NREP: variants seen among roughly 807,000 people sequenced by gnomAD.
NREP encodes neuronal regeneration related protein.
A neutral mutation model predicts 8.6 loss-of-function variants in NREP; 5 were observed. The observed-to-expected ratio is 0.58, with a 90% CI of 0.30 to 1.22. The LOEUF is 1.22. Among genes scored for constraint, NREP ranks in the 50% most tolerant of loss-of-function variants. NREP has a pLI of 0.07. For missense variants in NREP, 86 were observed against 82.5 expected, an observed-to-expected ratio of 1.04 and a Z score of -0.17; for synonymous variants, 27 against 28.0, an observed-to-expected ratio of 0.96 and a Z score of 0.11.
rs551992005 is a variant in NREP at position 111,947,078 on chromosome 5, G to A, written c.135+28196C>T. Among the ~76,000 whole-genome samples, 8 of 152,008 alleles carry A rather than the reference G, an allele frequency of 5.3e-5. No individual in the cohort carries two copies. In the South Asian group the frequency reaches 6.2e-4, roughly 12 times the overall value. On this transcript the variant is annotated intron_variant, in intron 2 of 3. Coordinates refer to the NREP transcript ENST00000395634. ...CCAAATCACAGTTTATACTTTTCAC[G>A]TTCTTAACAAAAATAACTTTGACAT...
intron 2 of NREP, among the ~76,000 whole-genome samples, chr5:111,957,054 T>C (rs2112645584): frequency 6.6e-6 from 1 of 151,780 alleles, no homozygotes; most frequent in Non-Finnish European, 1.5e-5. Flanking sequence ...ATATTAAAGT[T>C]ATAGAGAAAT....
chr5:111,956,997 A>T (rs1404786128), intron 2 of NREP, among the ~76,000 whole-genome samples: 2 of 149,844 alleles, frequency 1.3e-5, no homozygotes, highest in East Asian at 3.9e-4. Flanking sequence ...ATAAATAAAT[A>T]AAATGCCAGT....
intron 2 of NREP, among the ~76,000 whole-genome samples, chr5:111,919,710 C>A (rs375912014): frequency 1.3e-5 from 2 of 151,792 alleles, no homozygotes; most frequent in Non-Finnish European, 2.9e-5. Context: ...CATCACACAC[C>A]GGGGCCTGTC....
At chr5:111,969,925 G>C (rs1351004530) in intron 2 of NREP, among the ~76,000 whole-genome samples, 1 of 152,196 alleles carries the variant, frequency 6.6e-6, no homozygotes, top group East Asian at 1.9e-4. Context: ...GAATTGTGGA[G>C]CAAAACTCTT....
chr5:111,815,337 G>C (rs991047475), intron 2 of NREP, among the ~76,000 whole-genome samples: 9 of 152,170 alleles, frequency 5.9e-5, no homozygotes, highest in Non-Finnish European at 1.0e-4. Context: ...TGATTGGATT[G>C]AAATGATCCT....
At chr5:111,897,352 A>AGT (rs1417259892) in intron 2 of NREP, among the ~76,000 whole-genome samples, 1 of 152,224 alleles carries the variant, frequency 6.6e-6, no homozygotes, top group Non-Finnish European at 1.5e-5. Flanking sequence ...ACACTGTGCC[A>AGT]GTGCATTCTA....
At chr5:111,940,120 T>C (rs1335972824) in intron 2 of NREP, 2 of 152,120 alleles carry the variant, frequency 1.3e-5, no homozygotes, top group African/African-American at 4.8e-5. Context: ...CTAGCCACTC[T>C]ACAAGAATAG....
At chr5:111,740,898 A>G (rs889603026) in intron 2 of NREP, among the ~76,000 whole-genome samples, 1 of 152,170 alleles carries the variant, frequency 6.6e-6, no homozygotes, top group Non-Finnish European at 1.5e-5. Context: ...GTCTTTATCA[A>G]TATTTCTTTG....
chr5:111,911,539 T>C (rs1340524419), intron 2 of NREP, among the ~76,000 whole-genome samples: 1 of 151,998 alleles, frequency 6.6e-6, no homozygotes, highest in Non-Finnish European at 1.5e-5. Flanking sequence ...GGAAAGACCC[T>C]CCAGGAGTGA....
At chr5:111,901,205 G>C (rs1293887545) in intron 2 of NREP, among the ~76,000 whole-genome samples, 2 of 152,104 alleles carry the variant, frequency 1.3e-5, no homozygotes, top group Non-Finnish European at 2.9e-5. Context: ...TTATTGGTTT[G>C]CACATTATAA....
chr5:111,784,007 T>A (rs536102588), intron 2 of NREP, among the ~76,000 whole-genome samples: 1 of 152,136 alleles, frequency 6.6e-6, no homozygotes, highest in Admixed American at 6.6e-5. Context: ...CTTTAAAAAA[T>A]TTTGCTTTTC....
intron 2 of NREP, among the ~76,000 whole-genome samples, chr5:111,870,860 GAGTTTTA>G (rs1753772651): frequency 1.1e-5 from 1 of 89,568 alleles, no homozygotes; most frequent in East Asian, 7.7e-4. Flanking sequence ...ATTTTACCCA[GAGTTTTA>G]TAGGAAGCAT....
At chr5:111,803,805 T>C (rs1752071095) in intron 2 of NREP, among the ~76,000 whole-genome samples, 1 of 152,152 alleles carries the variant, frequency 6.6e-6, no homozygotes, top group Non-Finnish European at 1.5e-5. Flanking sequence ...AGATAAAAAT[T>C]ATGCAGGTAC....
At chr5:111,969,870 T>C (rs984150866) in intron 2 of NREP, among the ~76,000 whole-genome samples, 2 of 152,116 alleles carry the variant, frequency 1.3e-5, no homozygotes, top group Non-Finnish European at 2.9e-5. Flanking sequence ...TACTGGTGGA[T>C]TGAGAAGGGT....
intron 2 of NREP, among the ~76,000 whole-genome samples, chr5:111,814,769 A>G (rs1389376361): frequency 6.6e-6 from 1 of 152,130 alleles, no homozygotes; most frequent in Non-Finnish European, 1.5e-5. Flanking sequence ...TATGCAAAAT[A>G]TTAGAAGAAC....
chr5:111,844,800 A>G (rs538152166), intron 2 of NREP, among the ~76,000 whole-genome samples: 1 of 150,578 alleles, frequency 6.6e-6, no homozygotes, highest in South Asian at 2.1e-4. Flanking sequence ...GAGATAAAAT[A>G]CCCCAATAAT....
chr5:111,919,871 G>GAAAGAAAT lies in NREP; in HGVS notation c.135+55402_135+55403insATTTCTTT, dbSNP rs1239542288. On this transcript the variant is annotated intron_variant, in intron 2 of 3. Transcript: ENST00000395634. ...ATGTATCCCAGAACTTGAAGAGAGA[G>GAAAGAAAT]AAAGAAAGAAAGAAAGAAAGAAAGA... Among the ~76,000 whole-genome samples the GAAAGAAAT allele has an allele frequency of 3.8e-4, 32 of 84,232 alleles. 1 individual carries two copies. The East Asian group carries it at 0.012, about 31-fold the overall frequency. 55.3% of individuals were successfully genotyped at this position (84,232 alleles called of 152,430 possible).
At chr5:111,762,298 C>G (rs193023830), upstream of NREP, among the ~76,000 whole-genome samples, 1 of 152,084 alleles carries the variant, frequency 6.6e-6, no homozygotes, top group Non-Finnish European at 1.5e-5. Context: ...ATGGGAGGAT[C>G]AGTGGGTGAC....
At chr5:111,821,455 T>C (rs1422866026) in intron 2 of NREP, among the ~76,000 whole-genome samples, 1 of 152,148 alleles carries the variant, frequency 6.6e-6, no homozygotes, top group Non-Finnish European at 1.5e-5. Flanking sequence ...GTGGTATAAA[T>C]AGATATAATG....
Sources: gnomAD v4.1 joint callset for allele counts (sites outside exome capture counted in the v4.1 genomes callset) on GRCh38, gnomAD v4.1.1 for gene constraint, MANE v1.5 for transcripts, NCBI Gene and HGNC (gene_info 2026-07-23, HGNC 2026-07-21) for gene names.